ABCC10: variants seen among roughly 807,000 people sequenced by gnomAD.
ABCC10 encodes ATP binding cassette subfamily C member 10.
ABCC10 carries 110 observed loss-of-function variants against 143.2 expected under a neutral mutation model. The observed-to-expected ratio is 0.77, with a 90% confidence interval of 0.66 to 0.90. The LOEUF is 0.90. Ranked by LOEUF, ABCC10 falls within the 40% of genes least tolerant of loss-of-function variation. ABCC10 has a pLI of 0.00. For missense variants in ABCC10, 1,700 were observed against 1,900.5 expected (o/e 0.89, Z 1.96); for synonymous variants, 805 against 846.7 (o/e 0.95, Z 0.85).
rs1462342715 is a variant in ABCC10 at position 43,438,663 on chromosome 6, C to T, written c.1995C>T (p.Gly665=). 4.3e-6 allele frequency: 7 copies of T among 1,614,102 alleles called. No individual in the cohort carries two copies. Among genetic ancestry groups the T allele is most frequent in the Non-Finnish European group, 5.9e-6 (7 of 1,180,052 alleles). ...TGGCAGTGCGGGGGCTGTCCAAGGG[C>T]TTTGGCCTGGCCACCCAGGAACCCT... The part of the protein sequence containing the change: ...GHVAVRGLSK[G]FGLATQEPWI... Residue 665 remains glycine, a synonymous_variant, in exon 8 of 22, where the codon GGC becomes GGT. Transcript: ENST00000372530.
Position 43,447,749 on chromosome 6 carries a change from A to G in ABCC10, c.3771A>G (p.Pro1257=), listed in dbSNP as rs1783266602. Residue 1257 remains proline, a synonymous_variant, in exon 18 of 22, where the codon CCA becomes CCG. Transcript: ENST00000372530. ...EFQDVVLAYR[P]GLPNALDGVT... ...AGGACGTGGTGTTGGCGTACCGGCC[A>G]GGGCTGCCGAATGCCCTGGATGGAG... 1.2e-6 allele frequency: 2 copies of G among 1,613,982 alleles called. No homozygotes were observed. Among genetic ancestry groups the G allele is most frequent in the East Asian group, 2.2e-5 (1 of 44,880 alleles).
chr6:43,451,511 G>C (rs1483825690), downstream of ABCC10, among the ~76,000 whole-genome samples: 2 of 152,204 alleles, frequency 1.3e-5, no homozygotes, highest in African/African-American at 4.8e-5. This position sits in a 1 kb window ranked among gnomAD's most constrained non-coding sequence, Gnocchi z 4.4. Context: ...GCAGGGCTCA[G>C]GGTAAGTGTG....
Position 43,434,712 on chromosome 6 carries a change from G to C in ABCC10, c.1472G>C (p.Arg491Pro), listed in dbSNP as rs141254177. The stretch of plus-strand genomic sequence containing the variant: ...GCCCGAGTAGAGGCCTGCCGGGCTC[G>C]AGAGCTGGGGCGACTCCGGGTCATC... ...LGARVEACRA[R>P]ELGRLRVIKY... is the part of the protein sequence containing the mutation. The change falls in exon 4 of 22, where the codon CGA (arginine) becomes CCA (proline). Residue 491 changes from arginine (R) to proline (P), a missense_variant. By Grantham distance (103) the Arg-to-Pro change is moderately radical. Coordinates refer to ENST00000372530, the MANE Select transcript of ABCC10 (RefSeq NM_001198934.2). 8.7e-6 allele frequency: 14 copies of C among 1,614,156 alleles called. No homozygotes were observed. In the South Asian group the frequency reaches 1.3e-4, roughly 15 times the overall value.
In ABCC10 at chr6:43,447,380, C is replaced by A. The variant is rs773990445; in HGVS notation, c.3677C>A (p.Pro1226His). The change falls in exon 17 of 22, where the codon CCC becomes CAC. Residue 1226 changes from proline (P) to histidine (H), a missense_variant. Physicochemically the swap from Pro to His is moderately conservative, Grantham distance 77. Coordinates refer to ENST00000372530, the MANE Select transcript of ABCC10 (RefSeq NM_001198934.2). ...CTGGAAGAGTACACCTGTGACCTGCCCCAGGAACCCCAGGGCCAGCCACTG... is the reference window on the plus strand; with the variant it reads ...CTGGAAGAGTACACCTGTGACCTGCACCAGGAACCCCAGGGCCAGCCACTG... ...ERLEEYTCDL[P>H]QEPQGQPLQL... 7 of 1,612,952 alleles carry A rather than the reference C, an allele frequency of 4.3e-6. No homozygotes were observed. In the African/African-American group the frequency reaches 9.3e-5, roughly 22 times the overall value.
At chr6:43,440,025 C>T (rs759462837) in intron 8 of ABCC10, among the ~76,000 whole-genome samples, 33 of 152,074 alleles carry the variant, frequency 2.2e-4, no homozygotes, top group Admixed American at 1.9e-3. Flanking sequence ...GGAATGATCT[C>T]GGCTTACTGC....
chr6:43,428,003 T>A lies in ABCC10; in HGVS notation c.25T>A (p.Cys9Ser). 6.2e-7 allele frequency: 1 copy of A among 1,611,398 alleles called. No individual in the cohort carries two copies. The highest frequency in any genetic ancestry group is 8.5e-7 in the Non-Finnish European group (1 of 1,179,334). The part of the protein sequence containing the change: MERLLAQL[C>S]GSSAAWPLPL... ...CATGGAACGACTTCTGGCCCAGCTG[T>A]GCGGCAGCAGCGCAGCGTGGCCGCT... Residue 9 changes from cysteine (C) to serine (S), a missense_variant, in exon 2 of 22, where the codon TGC becomes AGC. By Grantham distance (112) the Cys-to-Ser change is moderately radical. Coordinates refer to ENST00000372530, the MANE Select transcript of ABCC10 (RefSeq NM_001198934.2).
chr6:43,441,915 C>T lies in ABCC10; in HGVS notation c.2181C>T (p.Ser727=), dbSNP rs201315399. The change falls in exon 9 of 22, where the codon AGC becomes AGT. Residue 727 remains serine (S), a synonymous_variant. Coordinates refer to ENST00000372530, the MANE Select transcript of ABCC10 (RefSeq NM_001198934.2). ...TGGGGGAGAAGGGTGTCACCCTTAG[C>T]GGAGGACAGCGTGCCCGGATTGCCC... ...TEVGEKGVTL[S]GGQRARIALA... is the part of the protein sequence containing the mutation. 2.0e-5 allele frequency: 33 copies of T among 1,613,910 alleles called. No individual in the cohort carries two copies. The highest frequency in any genetic ancestry group is 1.7e-4 in the Middle Eastern group (1 of 6,034).
intron 1 of ABCC10, 31 bp from the exon 2 acceptor site, chr6:43,427,937 G>T (rs372777118): frequency 6.2e-7 from 1 of 1,609,208 alleles, no homozygotes; most frequent in Non-Finnish European, 8.5e-7. Context: ...CTGTTACCCT[G>T]CACAGCCGTC....
chr6:43,441,002 C>T (rs1193575464), intron 8 of ABCC10, among the ~76,000 whole-genome samples: 1 of 151,910 alleles, frequency 6.6e-6, no homozygotes, highest in Non-Finnish European at 1.5e-5. Context: ...ACTCTGGAGG[C>T]TGAGGCAGGA....
chr6:43,446,502 C>A, intron 16 of ABCC10, 56 bp downstream of exon 16: 2 of 1,559,554 alleles, frequency 1.3e-6, no homozygotes, highest in South Asian at 2.3e-5. Context: ...CACCGCTCTC[C>A]CAGATCTCTC....
intron 7 of ABCC10, 48 bp from the exon 8 acceptor site, chr6:43,438,576 G>T: frequency 6.3e-7 from 1 of 1,598,956 alleles, no homozygotes. Flanking sequence ...GGCATGGAGG[G>T]ACCCAGAGGA....
chr6:43,440,796 G>A (rs188287643), intron 8 of ABCC10, among the ~76,000 whole-genome samples: 10 of 150,142 alleles, frequency 6.7e-5, no homozygotes, highest in Non-Finnish European at 1.0e-4. Flanking sequence ...CCCAGGAGGC[G>A]GAGGTTTCAG....
chr6:43,446,503 C>A, intron 16 of ABCC10, 57 bp downstream of exon 16: 1 of 1,559,270 alleles, frequency 6.4e-7, no homozygotes, highest in South Asian at 1.2e-5. Context: ...ACCGCTCTCC[C>A]AGATCTCTCC....
downstream of ABCC10, chr6:43,450,850 T>C: frequency 1.2e-6 from 2 of 1,614,140 alleles, no homozygotes; most frequent in Non-Finnish European, 8.5e-7. This position sits in a 1 kb window ranked among gnomAD's most constrained non-coding sequence, Gnocchi z 4.5. Context: ...GCCCCTGCGC[T>C]GTGGGGGGCT....
intron 2 of ABCC10, among the ~76,000 whole-genome samples, chr6:43,428,978 G>A (rs1458877188): frequency 6.6e-6 from 1 of 152,180 alleles, no homozygotes; most frequent in African/African-American, 2.4e-5. Context: ...ATTCCTCCCA[G>A]ACCAAGCGGA....
At chr6:43,447,201 G>A (rs763933408) in intron 16 of ABCC10, 47 bp from the exon 17 acceptor site, 31 of 1,590,754 alleles carry the variant, frequency 1.9e-5, no homozygotes, top group East Asian at 9.0e-5. Flanking sequence ...TCCCACAAAC[G>A]TCCCGGTGTC....
Position 43,445,128 on chromosome 6 carries a change from C to T in ABCC10, c.2844C>T (p.Ile948=). 1 of 1,613,920 alleles carries T rather than the reference C, an allele frequency of 6.2e-7. No individual in the cohort carries two copies. Among genetic ancestry groups the T allele is most frequent in the Non-Finnish European group, 8.5e-7 (1 of 1,179,862 alleles). Reference sequence around the variant, plus strand: ...CAGCCCCCTCCTCACCACCCAGCATCCCAGTGTTCCCACTGCCCAAAGCTG... The same window carrying T: ...CAGCCCCCTCCTCACCACCCAGCATTCCAGTGTTCCCACTGCCCAAAGCTG... ...LLLFSPGNLY[I]PVFPLPKAAP... is the part of the protein sequence containing the mutation. The change falls in exon 14 of 22, where the codon ATC becomes ATT. Residue 948 remains isoleucine (I), a synonymous_variant. Coordinates refer to ENST00000372530, the MANE Select transcript of ABCC10 (RefSeq NM_001198934.2).
At chr6:43,435,576 T>A (rs1412356796) in intron 4 of ABCC10, among the ~76,000 whole-genome samples, 175 bp from the exon 5 acceptor site, 1 of 152,004 alleles carries the variant, frequency 6.6e-6, no homozygotes, top group Non-Finnish European at 1.5e-5. Flanking sequence ...ACATTGGAAT[T>A]TCTAGGATTC....
intron 14 of ABCC10, 41 bp from the exon 15 acceptor site, chr6:43,445,558 T>C: frequency 2.0e-6 from 3 of 1,514,094 alleles, no homozygotes; most frequent in African/African-American, 1.4e-5. Context: ...ACCCCTCTTC[T>C]GCCAGACTCT....
Sources: gnomAD v4.1 joint callset for allele counts (sites outside exome capture counted in the v4.1 genomes callset) on GRCh38, gnomAD v4.1.1 for gene constraint, Gnocchi (gnomAD v3.1) non-coding constraint, MANE v1.5 for transcripts, NCBI Gene and HGNC (gene_info 2026-07-23, HGNC 2026-07-21) for gene names.